The following LMBR1 variants were observed in gnomAD, a reference collection of about 807,000 sequenced individuals.
LMBR1 encodes limb development membrane protein 1.
Under a neutral mutation model 73.9 loss-of-function variants are expected in LMBR1, and 52 were observed. That is an observed-to-expected ratio of 0.70 (90% CI 0.56 to 0.89). The LOEUF is 0.89. LMBR1 is among the 40% of genes least tolerant of loss of function. The pLI is 0.00. For missense variants in LMBR1, 539 were observed against 579.8 expected (o/e 0.93, Z 0.72); for synonymous variants, 215 against 209.4 (o/e 1.03, Z -0.23).
chr7:156,729,442 A>C (rs1390090643), intron 10 of LMBR1, among the ~76,000 whole-genome samples: 1 of 150,596 alleles, frequency 6.6e-6, no homozygotes, highest in Non-Finnish European at 1.5e-5. Context: ...TATCTGAATG[A>C]ATAAAGTTAT....
chr7:156,757,336 A>C, intron 8 of LMBR1, among the ~76,000 whole-genome samples: 1 of 152,226 alleles, frequency 6.6e-6, no homozygotes, highest in East Asian at 1.9e-4. Flanking sequence ...TTATGTACTA[A>C]AAACACTCCA....
chr7:156,861,309 CTGT>C (rs1797683563), intron 1 of LMBR1, among the ~76,000 whole-genome samples: 1 of 152,222 alleles, frequency 6.6e-6, no homozygotes, highest in Admixed American at 6.5e-5. Flanking sequence ...ACAGACCCAG[CTGT>C]TGTTTGGCCC....
chr7:156,882,159 C>G (rs1192361200), intron 1 of LMBR1, among the ~76,000 whole-genome samples: 1 of 152,162 alleles, frequency 6.6e-6, no homozygotes, highest in Admixed American at 6.6e-5. Context: ...AAAGGACACT[C>G]AGCCAGGTAT....
intron 1 of LMBR1, among the ~76,000 whole-genome samples, chr7:156,841,116 C>T (rs934559006): frequency 1.3e-5 from 2 of 151,696 alleles, no homozygotes; most frequent in Admixed American, 1.3e-4. Flanking sequence ...ATTCTGGGCA[C>T]GTTTTGAAAG....
intron 15 of LMBR1, among the ~76,000 whole-genome samples, chr7:156,694,942 A>G (rs1013319617): frequency 2.0e-5 from 3 of 152,206 alleles, no homozygotes; most frequent in Admixed American, 2.0e-4. Flanking sequence ...AGAGAAAGTA[A>G]AAGACATGTA....
In LMBR1 at chr7:156,690,712, T is replaced by C. The variant is rs189400372; in HGVS notation, c.1226-2521A>G. Among the ~76,000 whole-genome samples the C allele has an allele frequency of 6.8e-3, 1,031 of 151,784 alleles. 9 individuals carry two copies. Among genetic ancestry groups the C allele is most frequent in the Non-Finnish European group, 9.4e-3 (640 of 68,018 alleles). ...CTGTTGCTATAGTGCACCGAAGAAATAGACAAATATTACCTCATAAAAACT... is the reference window on the plus strand; with the variant it reads ...CTGTTGCTATAGTGCACCGAAGAAACAGACAAATATTACCTCATAAAAACT... On this transcript the variant is annotated intron_variant, in intron 15 of 16. Coordinates refer to ENST00000353442, the MANE Select transcript of LMBR1 (RefSeq NM_022458.4).
At chr7:156,859,940 AG>A (rs1797499557) in intron 1 of LMBR1, among the ~76,000 whole-genome samples, 1 of 152,262 alleles carries the variant, frequency 6.6e-6, no homozygotes, top group South Asian at 2.1e-4. Context: ...GTGAAAGAAT[AG>A]AAAAAGATCA....
chr7:156,868,614 G>C (rs1176952469), intron 1 of LMBR1, among the ~76,000 whole-genome samples: 1 of 151,920 alleles, frequency 6.6e-6, no homozygotes, highest in Admixed American at 6.6e-5. Flanking sequence ...AGTGAGCCTA[G>C]ATGGTGCCAC....
chr7:156,761,990 A>G (rs1439517730), intron 8 of LMBR1, 144 bp downstream of exon 8: 2 of 586,930 alleles, frequency 3.4e-6, no homozygotes, highest in African/African-American at 3.8e-5. Context: ...AAAAAAAAAA[A>G]AACTTAATAA....
chr7:156,839,561 T>C (rs1296332983), intron 1 of LMBR1, among the ~76,000 whole-genome samples: 1 of 152,034 alleles, frequency 6.6e-6, no homozygotes. Flanking sequence ...GATGATGAAG[T>C]CTAGAGAATA....
chr7:156,801,135 G>T (rs1830884702), intron 4 of LMBR1, among the ~76,000 whole-genome samples: 1 of 152,216 alleles, frequency 6.6e-6, no homozygotes, highest in Non-Finnish European at 1.5e-5. Flanking sequence ...AACTTCTACT[G>T]TGAGTAAAAT....
chr7:156,811,663 T>G (rs961077256), intron 4 of LMBR1, among the ~76,000 whole-genome samples: 1 of 152,190 alleles, frequency 6.6e-6, no homozygotes, highest in Non-Finnish European at 1.5e-5. Context: ...GACATCTCAG[T>G]TGCAGACTCA....
chr7:156,789,702 T>C (rs1467057761), intron 5 of LMBR1, among the ~76,000 whole-genome samples: 1 of 152,220 alleles, frequency 6.6e-6, no homozygotes, highest in Non-Finnish European at 1.5e-5. Flanking sequence ...TGGTGAGCTC[T>C]TGTCCTGCAG....
At chr7:156,828,814 T>G (rs1377776219) in intron 3 of LMBR1, among the ~76,000 whole-genome samples, 1 of 152,228 alleles carries the variant, frequency 6.6e-6, no homozygotes, top group African/African-American at 2.4e-5. Context: ...TGATGAGGTT[T>G]CTCTTCGAAT....
At chr7:156,747,708 A>C (rs921060492) in intron 9 of LMBR1, among the ~76,000 whole-genome samples, 2 of 152,208 alleles carry the variant, frequency 1.3e-5, no homozygotes, top group Non-Finnish European at 2.9e-5. Context: ...AAAAAGTTTG[A>C]TTAGAAAATA....
intron 9 of LMBR1, among the ~76,000 whole-genome samples, chr7:156,736,980 C>A (rs1006048326): frequency 6.6e-6 from 1 of 152,140 alleles, no homozygotes; most frequent in Non-Finnish European, 1.5e-5. Context: ...CCTGCCCACC[C>A]CAGATGGACT....
chr7:156,867,749 T>C (rs1230265926), intron 1 of LMBR1, among the ~76,000 whole-genome samples: 1 of 152,182 alleles, frequency 6.6e-6, no homozygotes, highest in Admixed American at 6.6e-5. Flanking sequence ...AGATCAGTGG[T>C]GGCCTAGGGC....
Position 156,669,834 on chromosome 7 carries a change from G to A in LMBR1, n.867-547C>T, listed in dbSNP as rs1026337145. Among the ~76,000 whole-genome samples the A allele has an allele frequency of 5.3e-5, 8 of 152,192 alleles. No homozygotes were observed. The highest frequency in any genetic ancestry group is 1.2e-4 in the African/African-American group (5 of 41,454). ...GAGGCTCAAAATAACCAGATGAGAC[G>A]TGCAGTTGGGCCTGCAGCACGCAGG... On this transcript the variant is annotated intron_variant and non_coding_transcript_variant, in intron 4 of 4. Transcript: ENST00000430825. This position sits in a 1 kb window ranked among gnomAD's most constrained non-coding sequence, Gnocchi z 4.2.
rs10633275 is a variant in LMBR1 at position 156,831,275 on chromosome 7, AT to A, written c.179+2477del. ...AATTGTATCAAGCACCCTACCCTAG[AT>A]TTTTTTTTTTTTTTTTTGGCAAATG... On this transcript the variant is annotated intron_variant, in intron 3 of 16. Coordinates refer to ENST00000353442, the MANE Select transcript of LMBR1 (RefSeq NM_022458.4). Among the ~76,000 whole-genome samples the A allele has an allele frequency of 1.6e-3, 205 of 127,912 alleles. 1 individual carries two copies. Among genetic ancestry groups the A allele is most frequent in the Middle Eastern group, 8.2e-3 (2 of 244 alleles). The allele number at this position is 127,912 out of a possible 152,430, so 83.9% of individuals were successfully genotyped here.
Sources: gnomAD v4.1 joint callset for allele counts (sites outside exome capture counted in the v4.1 genomes callset) on GRCh38, gnomAD v4.1.1 for gene constraint, Gnocchi (gnomAD v3.1) non-coding constraint, MANE v1.5 for transcripts, NCBI Gene and HGNC (gene_info 2026-07-23, HGNC 2026-07-21) for gene names.